MCF2L: variants seen among roughly 807,000 people sequenced by gnomAD.
MCF2L encodes guanine nucleotide exchange factor DBS.
In MCF2L, 97 loss-of-function variants were observed where a neutral mutation model predicts 153.4. The observed-to-expected ratio is 0.63, with a 90% confidence interval of 0.54 to 0.75. The LOEUF is 0.75. Among genes scored for constraint, MCF2L ranks in the 30% least tolerant of loss-of-function variants. The pLI is 0.00. For missense variants in MCF2L, 1,347 were observed against 1,495.2 expected (o/e 0.90, Z 1.64); for synonymous variants, 659 against 632.2 (o/e 1.04, Z -0.64).
At chr13:112,918,059 G>T (rs991009063) in intron 2 of MCF2L, among the ~76,000 whole-genome samples, 1 of 152,236 alleles carries the variant, frequency 6.6e-6, no homozygotes, top group African/African-American at 2.4e-5. Context: ...AATTATTTGA[G>T]GATTTGTCTT....
intron 15 of MCF2L, among the ~76,000 whole-genome samples, chr13:113,080,877 C>T (rs1032046231): frequency 2.6e-5 from 4 of 152,106 alleles, no homozygotes; most frequent in Non-Finnish European, 5.9e-5. Flanking sequence ...TGCCCATGAG[C>T]GTGAGGAACT....
At chr13:113,014,731 A>G in intron 1 of MCF2L, 32 bp from the exon 2 acceptor site, 1 of 1,598,782 alleles carries the variant, frequency 6.3e-7, no homozygotes, top group Non-Finnish European at 8.6e-7. Flanking sequence ...GCTTCCTGGG[A>G]CTGACACGTG....
intron 1 of MCF2L, among the ~76,000 whole-genome samples, chr13:112,990,005 A>G (rs2082836041): frequency 6.6e-6 from 1 of 152,230 alleles, no homozygotes; most frequent in Non-Finnish European, 1.5e-5. Flanking sequence ...AGGAGAATCA[A>G]ACGCCACTGC....
At chr13:112,984,001 G>A (rs1170951809) in intron 1 of MCF2L, among the ~76,000 whole-genome samples, 1 of 152,218 alleles carries the variant, frequency 6.6e-6, no homozygotes, top group Non-Finnish European at 1.5e-5. Flanking sequence ...TGATAACCAA[G>A]AGTGGATGTT....
chr13:113,057,639 GGGTGCTGAGTGTTTA>G (rs1367462199), intron 4 of MCF2L, among the ~76,000 whole-genome samples: 2 of 147,256 alleles, frequency 1.4e-5, no homozygotes, highest in East Asian at 2.0e-4. Flanking sequence ...CTGAGTGTTT[GGGTGCTGAGTGTTTA>G]GGTGCTGTGT....
chr13:112,922,541 A>AC (rs1441706888), intron 2 of MCF2L, among the ~76,000 whole-genome samples: 16 of 152,066 alleles, frequency 1.1e-4, no homozygotes, highest in African/African-American at 3.1e-4. Context: ...AAAAAAAAAA[A>AC]AAACCCATCA....
intron 1 of MCF2L, among the ~76,000 whole-genome samples, chr13:112,995,374 A>G (rs2083082196): frequency 2.0e-5 from 3 of 152,262 alleles, no homozygotes; most frequent in African/African-American, 7.2e-5. Flanking sequence ...AGCGCCCAGT[A>G]TACCGTCAGC....
chr13:112,978,434 C>T (rs972392095), intron 1 of MCF2L, among the ~76,000 whole-genome samples: 8 of 152,204 alleles, frequency 5.3e-5, no homozygotes, highest in African/African-American at 1.9e-4. Flanking sequence ...TGGCTCTCAA[C>T]ACCTGTAGCT....
intron 1 of MCF2L, chr13:113,009,293 A>G (rs553417164): frequency 6.6e-6 from 1 of 152,358 alleles, no homozygotes; most frequent in East Asian, 1.9e-4. Context: ...TAAAATGTGT[A>G]AAGGTTAAGC....
At chr13:112,931,931 G>A (rs2081467888) in intron 2 of MCF2L, among the ~76,000 whole-genome samples, 1 of 152,082 alleles carries the variant, frequency 6.6e-6, no homozygotes, top group Non-Finnish European at 1.5e-5. Flanking sequence ...AGATGAAGAA[G>A]CGTGGGTCCA....
Position 113,060,671 on chromosome 13 carries a change from G to C in MCF2L, c.448G>C (p.Ala150Pro), listed in dbSNP as rs149372771. 1 of 1,613,546 alleles carries C rather than the reference G, an allele frequency of 6.2e-7. No individual in the cohort carries two copies. The highest frequency in any genetic ancestry group is 1.1e-5 in the South Asian group (1 of 91,078). ...TTTCCAAAGGACTCTCTCCGACATC[G>C]CTTTCAAATTCAATAGAGATGACTT... The part of the protein sequence containing the change: ...GFFQRTLSDI[A>P]FKFNRDDFKM... Residue 150 changes from alanine to proline, a missense_variant, in exon 5 of 30, where the codon GCT becomes CCT. Physicochemically the swap from Ala to Pro is conservative, Grantham distance 27. Around this residue, in one of 3 missense-constraint regions of MCF2L, gnomAD observed 820 missense variants for 921.2 expected, o/e 0.89. Transcript: ENST00000535094.
rs2031998967 is a variant in MCF2L at position 113,064,168 on chromosome 13, C to T, written c.490-136C>T. ...CATCCATCCGCAGTGTCCAGGTGCC[C>T]CCACCCACACAGCCGCCCGCAGCAT... On this transcript the variant is annotated intron_variant, in intron 5 of 29. Coordinates refer to ENST00000535094, the MANE Select transcript of MCF2L (RefSeq NM_001112732.3). The surrounding 1 kb of genome is among the most constrained non-coding windows in gnomAD (Gnocchi z 6.0). 2 of 725,042 alleles carry T rather than the reference C, an allele frequency of 2.8e-6. No individual in the cohort carries two copies. Among genetic ancestry groups the T allele is most frequent in the South Asian group, 1.6e-5 (1 of 64,496 alleles). 44.9% of individuals were successfully genotyped at this position (725,042 alleles called of 1,614,324 possible). A position where few individuals can be genotyped will look rare whatever the true frequency, so the allele number is the denominator to read the frequency against.
In MCF2L at chr13:113,044,421, G is replaced by A. The variant is rs192105778; in HGVS notation, c.279-850G>A. The A allele has an allele frequency of 2.0e-4, 87 of 435,942 alleles. 1 individual carries two copies. Among genetic ancestry groups the A allele is most frequent in the Admixed American group, 8.7e-4 (25 of 28,896 alleles). The allele number at this position is 435,942 out of a possible 1,614,324, so 27.0% of individuals were successfully genotyped here. The stretch of plus-strand genomic sequence containing the variant: ...AATGATGCTCACAGAGAGCGGCCAC[G>A]CCCATAGACTGCATAATTTATCTCC... On this transcript the variant is annotated intron_variant, in intron 3 of 29. Coordinates refer to ENST00000535094, the MANE Select transcript of MCF2L (RefSeq NM_001112732.3).
At chr13:113,079,022 G>A (rs985515780) in intron 15 of MCF2L, among the ~76,000 whole-genome samples, 5 of 152,236 alleles carry the variant, frequency 3.3e-5, no homozygotes, top group Admixed American at 1.3e-4. Flanking sequence ...GGGCATCTTC[G>A]CCCCAGCAAG....
rs747627852 is a variant in MCF2L at position 112,951,490 on chromosome 13, C to T, written c.169+49119C>T. Among the ~76,000 whole-genome samples, 3 of 152,142 alleles carry T rather than the reference C, an allele frequency of 2.0e-5. No individual in the cohort carries two copies. The highest frequency in any genetic ancestry group is 2.9e-5 in the Non-Finnish European group (2 of 68,034). ...TGGGTGAAACGTTAAATTGTACGTC[C>T]GCACCATGAACTATTGATACCTGTG... is the stretch of plus-strand genomic sequence containing the variant. On this transcript the variant is annotated intron_variant, in intron 2 of 29. Coordinates refer to the MCF2L transcript ENST00000375608. This position sits in a 1 kb window ranked among gnomAD's most constrained non-coding sequence, Gnocchi z 4.8.
chr13:112,897,595 G>A (rs2081080286), intron 1 of MCF2L, among the ~76,000 whole-genome samples: 1 of 152,238 alleles, frequency 6.6e-6, no homozygotes, highest in Non-Finnish European at 1.5e-5. Context: ...AAAGTGAAGA[G>A]CATTACTGAC....
At position 113,053,878 on chromosome 13, in the gene MCF2L, G is replaced by A. The variant is rs1004213706; in HGVS notation, c.370-6715G>A. On this transcript the variant is annotated intron_variant, in intron 4 of 29. Transcript: ENST00000535094. The surrounding 1 kb of genome is among the most constrained non-coding windows in gnomAD (Gnocchi z 4.4). Reference sequence around the variant, plus strand: ...AAGTAAACATGCACGCCCCTTCAGGGTCCTGGTCCTTAGGGAGCTGGTTAA... The same window carrying A: ...AAGTAAACATGCACGCCCCTTCAGGATCCTGGTCCTTAGGGAGCTGGTTAA... Among the ~76,000 whole-genome samples the A allele has an allele frequency of 1.3e-5, 2 of 152,110 alleles. No homozygotes were observed. The highest frequency in any genetic ancestry group is 4.2e-4 in the South Asian group (2 of 4,810).
At position 113,012,698 on chromosome 13, in the gene MCF2L, T is replaced by C. The variant is rs1263583757; in HGVS notation, c.80-2065T>C. ...TGGACGGTGGACACTGCAGTGTGGATGGTGGACAGGTGGTGTGGACGGTGG... is the reference window on the plus strand; with the variant it reads ...TGGACGGTGGACACTGCAGTGTGGACGGTGGACAGGTGGTGTGGACGGTGG... On this transcript the variant is annotated intron_variant, in intron 1 of 29. Coordinates refer to ENST00000535094, the MANE Select transcript of MCF2L (RefSeq NM_001112732.3). Among the ~76,000 whole-genome samples the C allele has an allele frequency of 6.2e-5, 5 of 81,282 alleles. 1 individual carries two copies. The highest frequency in any genetic ancestry group is 1.4e-4 in the African/African-American group (3 of 21,126). The allele number at this position is 81,282 out of a possible 152,430, so 53.3% of individuals were successfully genotyped here.
At chr13:113,069,759 T>A (rs551387087) in intron 8 of MCF2L, among the ~76,000 whole-genome samples, 3 of 152,338 alleles carry the variant, frequency 2.0e-5, no homozygotes, top group Non-Finnish European at 2.9e-5. Flanking sequence ...TTTAAACTTT[T>A]AAAAAATAAA....
Sources: allele counts gnomAD v4.1 joint callset (sites outside exome capture counted in the v4.1 genomes callset), GRCh38; gene constraint gnomAD v4.1.1; regional missense constraint gnomAD v4.1.1; non-coding constraint Gnocchi (gnomAD v3.1); transcripts MANE v1.5; gene names NCBI Gene and HGNC (gene_info 2026-07-23, HGNC 2026-07-21).